Variants in ZNF333 observed in about 807,000 individuals in gnomAD.
ZNF333 encodes zinc finger protein 333.
ZNF333 carries 61 observed loss-of-function variants against 76.1 expected under a neutral mutation model. That is an observed-to-expected ratio of 0.80 (90% CI 0.65 to 0.99). The LOEUF (loss-of-function observed/expected upper bound fraction) is 0.99, where lower values mean the gene tolerates loss of function less well. Ranked by LOEUF, ZNF333 falls within the 50% of genes least tolerant of loss-of-function variation. ZNF333 has a pLI of 0.00. For synonymous variants in ZNF333, 284 were observed against 305.0 expected (o/e 0.93, Z 0.72); for missense variants, 717 against 822.4 (o/e 0.87, Z 1.57).
chr19:14,719,600 A>G lies in ZNF333; in HGVS notation c.*275A>G. Reference sequence around the variant, plus strand: ...AGTTGGATGAGTTTGACAGATGCATACATGCATGTAACCACCACCCCATTC... The same window carrying G: ...AGTTGGATGAGTTTGACAGATGCATGCATGCATGTAACCACCACCCCATTC... On this transcript the variant is annotated 3_prime_UTR_variant, in exon 12 of 12. Transcript: ENST00000292530. 8.7e-7 allele frequency: 1 copy of G among 1,144,312 alleles called. No homozygotes were observed. The allele number at this position is 1,144,312 out of a possible 1,614,324, so 70.9% of individuals were successfully genotyped here.
intron 9 of ZNF333, 145 bp downstream of exon 9, chr19:14,716,383 C>A (rs574807219): frequency 1.1e-6 from 1 of 925,352 alleles, no homozygotes; most frequent in Non-Finnish European, 1.6e-6. Flanking sequence ...CCCAGCCTCC[C>A]GAGTAGCTGG....
At position 14,702,969 on chromosome 19, in the gene ZNF333, C is replaced by G. The variant is rs2042000927; in HGVS notation, c.307-2085C>G. Among the ~76,000 whole-genome samples the G allele has an allele frequency of 2.0e-5, 3 of 152,070 alleles. No homozygotes were observed. The South Asian group carries it at 6.2e-4, about 32-fold the overall frequency. On this transcript the variant is annotated intron_variant, in intron 5 of 11. Transcript: ENST00000292530. ...CCTGTAATCCCAGCACTTTGGGAGG[C>G]CGAGGCGGGCGGATCATGAGGTCAG... is the stretch of plus-strand genomic sequence containing the variant.
intron 11 of ZNF333, among the ~76,000 whole-genome samples, chr19:14,729,775 C>T (rs866453884): frequency 1.3e-5 from 2 of 152,272 alleles, no homozygotes; most frequent in Middle Eastern, 3.4e-3. Flanking sequence ...AAATTGTTCT[C>T]ACCACCAAAT....
Position 14,718,916 on chromosome 19 carries a change from G to A in ZNF333, c.1589G>A (p.Gly530Glu). The A allele has an allele frequency of 1.2e-6, 2 of 1,613,952 alleles. No individual in the cohort carries two copies. The highest frequency in any genetic ancestry group is 1.7e-6 in the Non-Finnish European group (2 of 1,179,914). ...HLNVHKRIHT[G>E]EKLYECATCG... is the part of the protein sequence containing the mutation. ...AACGTGCACAAGAGGATACACACAG[G>A]GGAGAAACTGTATGAGTGCGCGACT... The change falls in exon 12 of 12, where the codon GGG (glycine) becomes GAG (glutamate). Residue 530 changes from glycine (G) to glutamate (E), a missense_variant. Physicochemically the swap from Gly to Glu is moderately conservative, Grantham distance 98. Transcript: ENST00000292530.
chr19:14,706,575 A>G, intron 6 of ZNF333, 111 bp from the exon 7 acceptor site: 1 of 823,386 alleles, frequency 1.2e-6, no homozygotes, highest in East Asian at 2.4e-5. Flanking sequence ...TTCTTTTATT[A>G]ATATGTTCCC....
At chr19:14,726,652 T>C (rs991950097), downstream of ZNF333, among the ~76,000 whole-genome samples, 3 of 152,186 alleles carry the variant, frequency 2.0e-5, no homozygotes, top group African/African-American at 7.2e-5. Flanking sequence ...CTCTAAGTCA[T>C]TACTATTAAG....
At chr19:14,731,548 G>A (rs1355478275) in exon 12 of ZNF333, 2 of 242,182 alleles carry the variant, frequency 8.3e-6, no homozygotes, top group Non-Finnish European at 1.6e-5. Context: ...GAGCTGGAGG[G>A]AGAGGGTTCT....
chr19:14,724,821 G>T (rs995924057), downstream of ZNF333, among the ~76,000 whole-genome samples: 4 of 152,150 alleles, frequency 2.6e-5, no homozygotes, highest in Middle Eastern at 3.2e-3. Flanking sequence ...TGACTGTGCT[G>T]CTTGATTCTT....
intron 2 of ZNF333, among the ~76,000 whole-genome samples, chr19:14,693,749 G>T (rs538029995): frequency 2.0e-5 from 3 of 152,120 alleles, no homozygotes; most frequent in African/African-American, 4.8e-5. Context: ...GGCCATCCTT[G>T]TCATCCCTGG....
Position 14,719,233 on chromosome 19 carries a change from C to A in ZNF333, c.1906C>A (p.His636Asn), listed in dbSNP as rs765746353. Residue 636 changes from histidine (H) to asparagine (N), a missense_variant, in exon 12 of 12, where the codon CAC becomes AAC. Transcript: ENST00000292530. Reference sequence around the variant, plus strand: ...CAGGCACAGCTCCTCACTCACTGTACACAAAAGAACCCATGTGGGAAGAGA... The same window carrying A: ...CAGGCACAGCTCCTCACTCACTGTAAACAAAAGAACCCATGTGGGAAGAGA... ...AFRHSSSLTV[H>N]KRTHVGRETI... The A allele has an allele frequency of 5.0e-6, 8 of 1,614,212 alleles. No homozygotes were observed. In the East Asian group the frequency reaches 1.8e-4, roughly 36 times the overall value.
intron 4 of ZNF333, among the ~76,000 whole-genome samples, chr19:14,697,067 A>C (rs796598455): frequency 2.0e-5 from 3 of 152,206 alleles, no homozygotes; most frequent in African/African-American, 7.2e-5. Flanking sequence ...TCCAGCTCTC[A>C]ATACTGTTGT....
rs768125740 is a variant in ZNF333, at chr19:14,731,377, C to T, written c.*191C>T. ...TCCGGGCTCCTTAACTTCCGGCTTC[C>T]GGGAGCTTAGTCACATACTTCTGGC... On this transcript the variant is annotated 3_prime_UTR_variant, in exon 12 of 12. Coordinates refer to the ZNF333 transcript ENST00000540689. The T allele has an allele frequency of 3.8e-5, 23 of 606,308 alleles. 1 individual carries two copies. The highest frequency in any genetic ancestry group is 2.8e-4 in the South Asian group (13 of 46,728). 37.6% of individuals were successfully genotyped at this position (606,308 alleles called of 1,614,324 possible). A position where few individuals can be genotyped will look rare whatever the true frequency, so the allele number is the denominator to read the frequency against.
intron 7 of ZNF333, among the ~76,000 whole-genome samples, chr19:14,714,108 C>T (rs2042354546): frequency 6.6e-6 from 1 of 151,912 alleles, no homozygotes; most frequent in African/African-American, 2.4e-5. Flanking sequence ...AGGAAGTGGG[C>T]ACAGAGGGTA....
chr19:14,699,158 T>C, intron 4 of ZNF333, 41 bp from the exon 5 acceptor site: 1 of 1,469,552 alleles, frequency 6.8e-7, no homozygotes, highest in Non-Finnish European at 9.5e-7. Context: ...TGTCACTATT[T>C]CTTTCTGAAA....
Position 14,720,877 on chromosome 19 carries a change from T to G in ZNF333, c.*1552T>G. 1.1e-6 allele frequency: 1 copy of G among 934,096 alleles called. No individual in the cohort carries two copies. The highest frequency in any genetic ancestry group is 1.3e-6 in the Non-Finnish European group (1 of 783,412). The allele number at this position is 934,096 out of a possible 1,614,324, so 57.9% of individuals were successfully genotyped here. On this transcript the variant is annotated 3_prime_UTR_variant, in exon 12 of 12. Coordinates refer to ENST00000292530, the MANE Select transcript of ZNF333 (RefSeq NM_032433.4). Reference sequence around the variant, plus strand: ...GAAAAATCTTTGTCATTCTGTCAGTTTTTAAATTTATGTATATACATACAT... The same window carrying G: ...GAAAAATCTTTGTCATTCTGTCAGTGTTTAAATTTATGTATATACATACAT...
At chr19:14,694,397 C>A (rs990179304) in intron 2 of ZNF333, among the ~76,000 whole-genome samples, 1 of 151,918 alleles carries the variant, frequency 6.6e-6, no homozygotes, top group Admixed American at 6.6e-5. Flanking sequence ...CGCTTGAACC[C>A]AGGAGGTGAA....
In ZNF333 at chr19:14,719,808, T is replaced by G; in HGVS notation, c.*483T>G. On this transcript the variant is annotated 3_prime_UTR_variant, in exon 12 of 12. Transcript: ENST00000292530. Reference sequence around the variant, plus strand: ...TTAGGTCTGGTGTGGCTTATTCTTCTAGCTGCCAACCCAAATTACCCCTTC... The same window carrying G: ...TTAGGTCTGGTGTGGCTTATTCTTCGAGCTGCCAACCCAAATTACCCCTTC... 12 of 986,952 alleles carry G rather than the reference T, an allele frequency of 1.2e-5. No individual in the cohort carries two copies. The highest frequency in any genetic ancestry group is 1.4e-5 in the Non-Finnish European group (12 of 831,100). 61.1% of individuals were successfully genotyped at this position (986,952 alleles called of 1,614,324 possible).
chr19:14,731,355 G>A (rs980938576), exon 12 of ZNF333: 5 of 661,958 alleles, frequency 7.6e-6, no homozygotes, highest in African/African-American at 1.8e-5. Flanking sequence ...CGTGACATCC[G>A]GGCTCCTTAA....
intron 5 of ZNF333, 196 bp downstream of exon 5, chr19:14,699,477 T>TG: frequency 1.9e-6 from 1 of 515,904 alleles, no homozygotes; most frequent in Non-Finnish European, 3.5e-6. Context: ...TTTTTTTTTT[T>TG]TGAGACAGAG....
Sources: allele counts gnomAD v4.1 joint callset (sites outside exome capture counted in the v4.1 genomes callset), GRCh38; gene constraint gnomAD v4.1.1; transcripts MANE v1.5; gene names NCBI Gene and HGNC (gene_info 2026-07-23, HGNC 2026-07-21).